The following PAICS variants were observed in gnomAD, a reference collection of about 807,000 sequenced individuals.
PAICS encodes the protein phosphoribosylaminoimidazole carboxylase and phosphoribosylaminoimidazolesuccinocarboxamide synthase.
PAICS carries 33 observed loss-of-function variants against 53.7 expected under a neutral mutation model. The observed-to-expected ratio is 0.61, with a 90% CI of 0.47 to 0.82. The LOEUF (loss-of-function observed/expected upper bound fraction) is 0.82, where lower values mean the gene tolerates loss of function less well. Ranked by LOEUF, PAICS falls within the 40% of genes least tolerant of loss-of-function variation. PAICS has a pLI of 0.00. For missense variants in PAICS, 394 were observed against 494.1 expected, an observed-to-expected ratio of 0.80 and a Z score of 1.92; for synonymous variants, 141 against 167.2, an observed-to-expected ratio of 0.84 and a Z score of 1.21.
chr4:56,420,426 T>C, the PAICS span: 4 of 152,346 alleles, frequency 2.6e-5, 1 homozygote, highest in African/African-American at 4.8e-5. Context: ...GCTCAACCTG[T>C]ATTGAGAATG....
intron 1 of PAICS, 184 bp downstream of exon 1, chr4:56,436,512 G>T: frequency 1.4e-6 from 1 of 715,174 alleles, no homozygotes; most frequent in East Asian, 2.7e-5. Context: ...TCGGGGATGG[G>T]GAGAAGGAGC....
At chr4:56,418,646 A>T in the PAICS span, among the ~76,000 whole-genome samples, 1 of 152,148 alleles carries the variant, frequency 6.6e-6, no homozygotes, top group Non-Finnish European at 1.5e-5. Flanking sequence ...ATAATATTAC[A>T]TCCAATTTGA....
At chr4:56,458,690 T>C (rs564534228) in intron 8 of PAICS, among the ~76,000 whole-genome samples, 9 of 152,330 alleles carry the variant, frequency 5.9e-5, no homozygotes, top group Admixed American at 2.0e-4. Flanking sequence ...TCCAAGAATA[T>C]CGGGAAAATC....
At chr4:56,436,018 G>A (rs2110075813), upstream of PAICS, 6 of 1,518,302 alleles carry the variant, frequency 4.0e-6, no homozygotes, top group Non-Finnish European at 5.3e-6. Context: ...GCCAGTGCGC[G>A]CCACTTTTCG....
the PAICS span, chr4:56,425,258 T>C: frequency 6.5e-6 from 1 of 154,406 alleles, no homozygotes; most frequent in Admixed American, 6.5e-5. Context: ...AACACTTTTG[T>C]ATATTTTACA....
At chr4:56,427,808 C>T in the PAICS span, among the ~76,000 whole-genome samples, 1 of 152,122 alleles carries the variant, frequency 6.6e-6, no homozygotes, top group African/African-American at 2.4e-5. Flanking sequence ...GGGTCCACTG[C>T]AGGGTCTAAA....
chr4:56,428,527 C>T, the PAICS span, among the ~76,000 whole-genome samples: 2 of 151,830 alleles, frequency 1.3e-5, no homozygotes, highest in Non-Finnish European at 2.9e-5. Context: ...AAAATGGCAA[C>T]CCTCCAAGAA....
At chr4:56,448,939 G>A (rs1718760512) in intron 5 of PAICS, 116 bp downstream of exon 5, 7 of 621,510 alleles carry the variant, frequency 1.1e-5, no homozygotes, top group Non-Finnish European at 2.0e-5. Context: ...CCTGTTTTGT[G>A]GATTGCTGTT....
At chr4:56,420,723 T>C in the PAICS span, 1 of 152,172 alleles carries the variant, frequency 6.6e-6, no homozygotes. Context: ...AAAAAGGGCA[T>C]TGAAGAACTT....
At chr4:56,436,209 G>A, upstream of PAICS, 1 of 1,531,706 alleles carries the variant, frequency 6.5e-7, no homozygotes, top group Non-Finnish European at 8.8e-7. Flanking sequence ...GGGTCGCGCG[G>A]CCCCGCCTCC....
chr4:56,450,542 T>G (rs2110091938), intron 5 of PAICS, 77 bp from the exon 6 acceptor site: 1 of 752,422 alleles, frequency 1.3e-6, no homozygotes, highest in South Asian at 1.6e-5. Context: ...TCATAATCCC[T>G]CCCCAAAACT....
chr4:56,423,679 T>C, the PAICS span, among the ~76,000 whole-genome samples: 1 of 151,726 alleles, frequency 6.6e-6, no homozygotes, highest in Non-Finnish European at 1.5e-5. Flanking sequence ...TTGTTTGGCA[T>C]GTTTGCATGC....
At position 56,437,559 on chromosome 4, in the gene PAICS, C is replaced by T. The variant is rs543385278; in HGVS notation, c.16+1231C>T. Among the ~76,000 whole-genome samples the T allele has an allele frequency of 2.6e-5, 4 of 151,894 alleles. No individual in the cohort carries two copies. The South Asian group carries it at 8.3e-4, about 32-fold the overall frequency. Reference sequence around the variant, plus strand: ...GACTCAGGCCGGGCGCTGTGGCTCACGCCTGTAATCCCCAGCACTTTGGGA... The same window carrying T: ...GACTCAGGCCGGGCGCTGTGGCTCATGCCTGTAATCCCCAGCACTTTGGGA... On this transcript the variant is annotated intron_variant, in intron 1 of 8. Coordinates refer to ENST00000512576, the MANE Select transcript of PAICS (RefSeq NM_001079524.2).
At chr4:56,410,892 C>T in the PAICS span, 1 of 714,482 alleles carries the variant, frequency 1.4e-6, no homozygotes, top group Non-Finnish European at 1.6e-6. Flanking sequence ...CCAGAGACCA[C>T]TGAAGGTAAA....
intron 1 of PAICS, among the ~76,000 whole-genome samples, chr4:56,438,975 C>T (rs1043903120): frequency 1.3e-5 from 2 of 152,106 alleles, no homozygotes; most frequent in Admixed American, 1.3e-4. Flanking sequence ...TTCCATGAAT[C>T]ATTTTCAGTC....
chr4:56,427,910 T>TCA, the PAICS span, among the ~76,000 whole-genome samples: 2 of 152,170 alleles, frequency 1.3e-5, no homozygotes. Context: ...ATACCTGAGT[T>TCA]GGTAGAGAAT....
rs1313710710 is a variant in PAICS at position 56,436,284 on chromosome 4, C to G, written c.-29C>G. On this transcript the variant is annotated 5_prime_UTR_variant, in exon 1 of 9. Transcript: ENST00000512576. ...TAGAGTTCTGCCTCGCTTCCCGGCG[C>G]GGTCGCAGCCCTCAGCCCACTTAGG... 6.3e-7 allele frequency: 1 copy of G among 1,595,906 alleles called. No individual in the cohort carries two copies. The highest frequency in any genetic ancestry group is 8.5e-7 in the Non-Finnish European group (1 of 1,171,940).
chr4:56,449,660 A>G (rs975783681), intron 5 of PAICS, among the ~76,000 whole-genome samples: 2 of 152,096 alleles, frequency 1.3e-5, no homozygotes, highest in Non-Finnish European at 2.9e-5. Context: ...TACACACACC[A>G]TGGAATACTA....
At chr4:56,457,276 GGTGGCACACGCCT>G (rs936455300) in intron 8 of PAICS, among the ~76,000 whole-genome samples, 1 of 152,152 alleles carries the variant, frequency 6.6e-6, no homozygotes, top group African/African-American at 2.4e-5. Context: ...AGCTAGGCAT[GGTGGCACACGCCT>G]GTGGTCCCAG....
Sources: allele counts gnomAD v4.1 joint callset (sites outside exome capture counted in the v4.1 genomes callset), GRCh38; gene constraint gnomAD v4.1.1; transcripts MANE v1.5; gene names NCBI Gene and HGNC (gene_info 2026-07-23, HGNC 2026-07-21).